Variants in NOS1 observed in about 807,000 individuals in gnomAD.
NOS1 encodes nitric oxide synthase 1.
NOS1 carries 51 observed loss-of-function variants against 164.5 expected under a neutral mutation model. The ratio of observed to expected loss-of-function variants is 0.31; its 90% CI spans 0.25 to 0.39. The LOEUF is 0.39. Ranked by LOEUF, NOS1 falls within the 10% of genes least tolerant of loss-of-function variation. NOS1 has a pLI of 1.00. For missense variants in NOS1, 1,362 were observed against 1,885.6 expected (o/e 0.72, Z 5.14); for synonymous variants, 719 against 745.8 (o/e 0.96, Z 0.59).
chr12:117,283,187 A>T (rs1873829960), intron 7 of NOS1, among the ~76,000 whole-genome samples: 1 of 151,694 alleles, frequency 6.6e-6, no homozygotes, highest in Non-Finnish European at 1.5e-5. Flanking sequence ...CAGCCTCCCA[A>T]GTAGCTGGGA....
chr12:117,319,289 G>A (rs1214469015), intron 2 of NOS1, among the ~76,000 whole-genome samples: 1 of 152,324 alleles, frequency 6.6e-6, no homozygotes, highest in South Asian at 2.1e-4. Context: ...CTTGGCTTAA[G>A]CAATCCTCCT....
intron 1 of NOS1, among the ~76,000 whole-genome samples, chr12:117,359,373 C>A (rs1272090304): frequency 6.9e-6 from 1 of 145,046 alleles, no homozygotes; most frequent in Admixed American, 7.0e-5. Context: ...GAAAAAATAA[C>A]GGGGGAAAAA....
At chr12:117,342,847 T>C (rs1876177862) in intron 1 of NOS1, among the ~76,000 whole-genome samples, 2 of 151,710 alleles carry the variant, frequency 1.3e-5, no homozygotes, top group Admixed American at 1.3e-4. Flanking sequence ...AAGGATCAGG[T>C]GGTGAAAGGG....
At position 117,311,455 on chromosome 12, in the gene NOS1, C is replaced by G. The variant is rs150452736; in HGVS notation, c.852+11G>C. The stretch of plus-strand genomic sequence containing the variant: ...GGAAGCAGTGGTACCAGCTTGGCAT[C>G]AAGCACTTACCTGCTCCTTCTCTGA... On this transcript the variant is annotated intron_variant, in intron 3 of 28. Transcript: ENST00000317775. 11 of 1,595,596 alleles carry G rather than the reference C, an allele frequency of 6.9e-6. No individual in the cohort carries two copies. The Middle Eastern group carries it at 6.6e-4, about 96-fold the overall frequency.
chr12:117,224,433 C>T (rs1868469231), intron 25 of NOS1, among the ~76,000 whole-genome samples: 1 of 152,090 alleles, frequency 6.6e-6, no homozygotes, highest in Admixed American at 6.6e-5. Context: ...CTACATGTGC[C>T]CGCCACCACG....
rs56906790 is a variant in NOS1 at position 117,324,715 on chromosome 12, C to CTAAATAAATAAA, written c.725+5618_725+5629dup. Among the ~76,000 whole-genome samples the CTAAATAAATAAA allele has an allele frequency of 6.8e-3, 1,010 of 149,346 alleles. 7 individuals are homozygous for CTAAATAAATAAA. Among genetic ancestry groups the CTAAATAAATAAA allele is most frequent in the East Asian group, 7.9e-3 (40 of 5,072 alleles). On this transcript the variant is annotated intron_variant, in intron 2 of 28. Coordinates refer to ENST00000317775, the MANE Select transcript of NOS1 (RefSeq NM_000620.5). Reference sequence around the variant, plus strand: ...TGGGCTACAGAGCAAGACTCTGTCTCTAAATAAATAAATAAATAAATAAAG... The same window carrying CTAAATAAATAAA: ...TGGGCTACAGAGCAAGACTCTGTCTCTAAATAAATAAATAAATAAATAAATAAATAAATAAAG...
chr12:117,316,062 A>G (rs1257436282), intron 2 of NOS1, among the ~76,000 whole-genome samples: 1 of 152,176 alleles, frequency 6.6e-6, no homozygotes, highest in East Asian at 1.9e-4. Context: ...AAATGTGGTT[A>G]TTGTCATGGA....
At chr12:117,308,299 G>A (rs1213801884) in intron 3 of NOS1, among the ~76,000 whole-genome samples, 3 of 152,104 alleles carry the variant, frequency 2.0e-5, no homozygotes, top group Non-Finnish European at 4.4e-5. Context: ...CTTGAACTAG[G>A]AGTTCGAGAC....
Position 117,330,390 on chromosome 12 carries a change from G to T in NOS1, c.680C>A (p.Ala227Glu), listed in dbSNP as rs374287206. 7.4e-6 allele frequency: 12 copies of T among 1,613,898 alleles called. No homozygotes were observed. Among genetic ancestry groups the T allele is most frequent in the African/African-American group, 1.3e-5 (1 of 74,896 alleles). Reference protein sequence around the residue: ...TSGSRGVKGGAPAKAEMKDMG... With the variant: ...TSGSRGVKGGEPAKAEMKDMG... ...ATCTTTCATCTCTGCCTTGGCAGGT[G>T]CCCCTCCCTTGACCCCTCTGCTCCC... The change falls in exon 2 of 29, where the codon GCA (alanine) becomes GAA (glutamate). Residue 227 changes from alanine (A) to glutamate (E), a missense_variant. Physicochemically the swap from Ala to Glu is moderately radical, Grantham distance 107. Around this residue, in one of 4 missense-constraint regions of NOS1, gnomAD observed 362 missense variants for 402.0 expected, o/e 0.90. Coordinates refer to ENST00000317775, the MANE Select transcript of NOS1 (RefSeq NM_000620.5). The surrounding 1 kb of genome is among the most constrained non-coding windows in gnomAD (Gnocchi z 4.6).
Position 117,272,510 on chromosome 12 carries a change from CG to C in NOS1, c.1713del (p.Val572CysfsTer6). On this transcript the variant is annotated frameshift_variant, in exon 10 of 29. Transcript: ENST00000317775. LOFTEE classifies it high-confidence loss of function. The surrounding 1 kb of genome is among the most constrained non-coding windows in gnomAD (Gnocchi z 4.3). ...CCAATCTCTAGGAGCATGTTGGACACGGCGGGGAGGCCGTACCACTTCAGCC... is the reference window on the plus strand; with the variant it reads ...CCAATCTCTAGGAGCATGTTGGACACGCGGGGAGGCCGTACCACTTCAGCC... Reference protein sequence around the residue: ...DLGLKWYGLPAVSNMLLEIGG... With the variant: ...DLGLKWYGLPXVSNMLLEIGG... The C allele has an allele frequency of 6.2e-7, 1 of 1,614,168 alleles. No individual in the cohort carries two copies. The highest frequency in any genetic ancestry group is 8.5e-7 in the Non-Finnish European group (1 of 1,180,020).
intron 3 of NOS1, among the ~76,000 whole-genome samples, chr12:117,310,861 C>T (rs886796520): frequency 6.6e-6 from 1 of 151,856 alleles, no homozygotes; most frequent in African/African-American, 2.4e-5. Context: ...GCTATGTAGC[C>T]CAGGCTGGTT....
intron 1 of NOS1, among the ~76,000 whole-genome samples, chr12:117,334,918 C>T (rs1324154509): frequency 6.6e-6 from 1 of 152,158 alleles, no homozygotes. Flanking sequence ...GAGCTGGCCG[C>T]CTCCTGCCCC....
intron 20 of NOS1, among the ~76,000 whole-genome samples, chr12:117,239,624 T>C (rs189420308): frequency 1.2e-3 from 176 of 152,292 alleles, no homozygotes; most frequent in African/African-American, 3.8e-3. Flanking sequence ...GGTTGTGGCC[T>C]TTTGGGCCAG....
chr12:117,257,367 G>A (rs140421118), intron 16 of NOS1, among the ~76,000 whole-genome samples: 1 of 152,078 alleles, frequency 6.6e-6, no homozygotes, highest in Non-Finnish European at 1.5e-5. Context: ...ATAGGCATGA[G>A]CCACCGTGCC....
rs1283084106 is a variant in NOS1, at chr12:117,212,411, C to T, written c.*2898G>A. 2.0e-6 allele frequency: 2 copies of T among 985,272 alleles called. No individual in the cohort carries two copies. The highest frequency in any genetic ancestry group is 1.2e-4 in the Admixed American group (2 of 16,256). 61.0% of individuals were successfully genotyped at this position (985,272 alleles called of 1,614,324 possible). A position where few individuals can be genotyped will look rare whatever the true frequency, so the allele number is the denominator to read the frequency against. On this transcript the variant is annotated 3_prime_UTR_variant, in exon 29 of 29. Coordinates refer to ENST00000317775, the MANE Select transcript of NOS1 (RefSeq NM_000620.5). ...GTGTCCCCCCGCAAAAGAAAGACAC[C>T]TGGCTGTCTCACTCCAGGGAAACCA... is the stretch of plus-strand genomic sequence containing the variant.
intron 25 of NOS1, among the ~76,000 whole-genome samples, chr12:117,224,736 T>C (rs1425472271): frequency 6.6e-6 from 1 of 152,264 alleles, no homozygotes; most frequent in Non-Finnish European, 1.5e-5. Flanking sequence ...TAAGGACTAA[T>C]GCCTATCTTT....
chr12:117,244,466 T>C (rs929040934), intron 18 of NOS1, among the ~76,000 whole-genome samples: 1 of 152,072 alleles, frequency 6.6e-6, no homozygotes, highest in African/African-American at 2.4e-5. Flanking sequence ...TTCGAGCTTC[T>C]GGCCTCAAGC....
chr12:117,360,675 C>G (rs1185245486), intron 1 of NOS1, among the ~76,000 whole-genome samples: 1 of 152,226 alleles, frequency 6.6e-6, no homozygotes, highest in Admixed American at 6.5e-5. Context: ...CCTCGGGCCC[C>G]CAGCCGCGGA....
At chr12:117,295,615 CTTTTTTTTTTTT>C (rs33913257) in intron 3 of NOS1, among the ~76,000 whole-genome samples, 1 of 105,114 alleles carries the variant, frequency 9.5e-6, no homozygotes, top group Non-Finnish European at 1.8e-5. Flanking sequence ...CCTGATCATT[CTTTTTTTTTTTT>C]TTTTTTTTGA....
Sources: gnomAD v4.1 joint callset for allele counts (sites outside exome capture counted in the v4.1 genomes callset) on GRCh38, gnomAD v4.1.1 for gene constraint, gnomAD v4.1.1 regional missense constraint, Gnocchi (gnomAD v3.1) non-coding constraint, MANE v1.5 for transcripts, NCBI Gene and HGNC (gene_info 2026-07-23, HGNC 2026-07-21) for gene names.